Variants in PRKG1 observed in about 807,000 individuals in gnomAD.
PRKG1 encodes protein kinase cGMP-dependent 1, also known as cGMP-dependent protein kinase 1.
In PRKG1, 35 loss-of-function variants were observed where a neutral mutation model predicts 88.1. The ratio of observed to expected loss-of-function variants is 0.40; its 90% CI spans 0.30 to 0.53. PRKG1 has a LOEUF of 0.53. Ranked by LOEUF, PRKG1 falls within the 20% of genes least tolerant of loss-of-function variation. The pLI, the probability that PRKG1 is intolerant of heterozygous loss-of-function variation, is 0.59. For synonymous variants in PRKG1, 303 were observed against 292.5 expected (o/e 1.04, Z -0.37); for missense variants, 540 against 839.8 (o/e 0.64, Z 4.41).
intron 5 of PRKG1, among the ~76,000 whole-genome samples, chr10:51,939,155 G>T (rs1016918147): frequency 4.6e-5 from 7 of 151,796 alleles, no homozygotes; most frequent in Admixed American, 3.3e-4. Flanking sequence ...TCTTAGTGTT[G>T]CTCCATTGTC....
At chr10:51,619,539 G>A (rs1052010856) in intron 3 of PRKG1, among the ~76,000 whole-genome samples, 4 of 152,186 alleles carry the variant, frequency 2.6e-5, no homozygotes, top group African/African-American at 9.7e-5. Flanking sequence ...AACCCTCTCA[G>A]TTTGATAGCT....
chr10:51,441,933 G>A (rs899453021), intron 2 of PRKG1, among the ~76,000 whole-genome samples: 4 of 151,162 alleles, frequency 2.6e-5, no homozygotes, highest in Admixed American at 6.6e-5. Flanking sequence ...TTCACATTTC[G>A]GCATCTGTCC....
At chr10:52,059,520 GA>G (rs1404512368) in intron 6 of PRKG1, among the ~76,000 whole-genome samples, 1 of 151,290 alleles carries the variant, frequency 6.6e-6, no homozygotes, top group Non-Finnish European at 1.5e-5. Flanking sequence ...TGCTGAGTAA[GA>G]AAAAAAGGTC....
intron 4 of PRKG1, among the ~76,000 whole-genome samples, chr10:51,809,521 A>C (rs539089259): frequency 6.6e-6 from 1 of 152,332 alleles, no homozygotes; most frequent in African/African-American, 2.4e-5. Context: ...ATCTATACCC[A>C]GAGGAGCATT....
intron 4 of PRKG1, among the ~76,000 whole-genome samples, chr10:51,870,714 A>G (rs1841134974): frequency 6.6e-6 from 1 of 152,120 alleles, no homozygotes; most frequent in African/African-American, 2.4e-5. Flanking sequence ...ACTGCCTACA[A>G]ATAAAATACT....
At chr10:51,693,107 G>T (rs1182096553) in intron 3 of PRKG1, among the ~76,000 whole-genome samples, 1 of 151,642 alleles carries the variant, frequency 6.6e-6, no homozygotes, top group Admixed American at 6.6e-5. Flanking sequence ...GGCCAACATG[G>T]TGAAACCCCG....
intron 3 of PRKG1, among the ~76,000 whole-genome samples, chr10:51,720,789 T>G (rs1289819362): frequency 6.6e-6 from 1 of 152,134 alleles, no homozygotes; most frequent in Non-Finnish European, 1.5e-5. Flanking sequence ...ACTCTCTTGG[T>G]AGTGGGTTAT....
chr10:51,772,766 G>A (rs543489419), intron 3 of PRKG1, among the ~76,000 whole-genome samples: 1 of 152,092 alleles, frequency 6.6e-6, no homozygotes, highest in East Asian at 1.9e-4. Context: ...CTCGGGCTAG[G>A]GGGTATTGTC....
chr10:51,698,435 G>A, intron 3 of PRKG1: 2 of 1,614,154 alleles, frequency 1.2e-6, no homozygotes, highest in Non-Finnish European at 1.7e-6. Context: ...AGGGCCACGA[G>A]TGTCATGACC....
chr10:52,063,429 C>CT (rs1846284362), intron 7 of PRKG1, among the ~76,000 whole-genome samples: 1 of 152,260 alleles, frequency 6.6e-6, no homozygotes, highest in African/African-American at 2.4e-5. Flanking sequence ...AGTCACAGCC[C>CT]TGGCTCGGGG....
intron 3 of PRKG1, among the ~76,000 whole-genome samples, chr10:51,527,933 G>A (rs1841922915): frequency 1.3e-5 from 2 of 152,238 alleles, no homozygotes; most frequent in Non-Finnish European, 2.9e-5. Context: ...TCCTTCTCGG[G>A]TTGTGACTTG....
chr10:51,152,976 C>CTTTTTTTTTTT lies in PRKG1; in HGVS notation c.312-181_312-171dup. 1.8e-5 allele frequency among the ~76,000 whole-genome samples: 2 copies of CTTTTTTTTTTT among 112,662 alleles called. 1 individual carries two copies. The allele number at this position is 112,662 out of a possible 152,430, so 73.9% of individuals were successfully genotyped here. ...AATACTTAAAAAAAATTCTTAGTGC[C>CTTTTTTTTTTT]TTTTTTTTTTTTTTTTTGTTTTGCT... On this transcript the variant is annotated intron_variant, in intron 1 of 17. Coordinates refer to ENST00000373980, the MANE Select transcript of PRKG1 (RefSeq NM_006258.4).
intron 3 of PRKG1, among the ~76,000 whole-genome samples, chr10:51,769,132 A>G (rs1358053462): frequency 6.6e-6 from 1 of 152,202 alleles, no homozygotes; most frequent in African/African-American, 2.4e-5. Flanking sequence ...ACAAAAACCT[A>G]TGCAAGGGTA....
At chr10:51,599,746 A>G (rs888746816) in intron 3 of PRKG1, among the ~76,000 whole-genome samples, 2 of 152,150 alleles carry the variant, frequency 1.3e-5, no homozygotes, top group Non-Finnish European at 2.9e-5. Flanking sequence ...TTTAATGCAA[A>G]CTTGTTTCTG....
chr10:51,697,856 C>T, intron 3 of PRKG1: 3 of 1,613,972 alleles, frequency 1.9e-6, no homozygotes, highest in Non-Finnish European at 2.5e-6. Context: ...CTGGCTCTGC[C>T]CAGGACTAAA....
chr10:51,579,565 CA>C (rs1837977478), intron 3 of PRKG1, among the ~76,000 whole-genome samples: 1 of 151,896 alleles, frequency 6.6e-6, no homozygotes, highest in Admixed American at 6.6e-5. Flanking sequence ...TTAATTATAC[CA>C]TATTTACCAA....
chr10:51,163,538 C>T lies in PRKG1; in HGVS notation c.478+10208C>T, dbSNP rs551899539. Among the ~76,000 whole-genome samples, 15 of 152,222 alleles carry T rather than the reference C, an allele frequency of 9.9e-5. No homozygotes were observed. In the South Asian group the frequency reaches 2.1e-3, roughly 21 times the overall value. ...ACTAGGGAGTGCCAGACAATGGGCGCAAGACAGTGGGTGCCGCGCACCCGC... is the reference window on the plus strand; with the variant it reads ...ACTAGGGAGTGCCAGACAATGGGCGTAAGACAGTGGGTGCCGCGCACCCGC... On this transcript the variant is annotated intron_variant, in intron 2 of 17. Coordinates refer to ENST00000373980, the MANE Select transcript of PRKG1 (RefSeq NM_006258.4).
At chr10:51,066,698 T>C (rs1041645222) in intron 1 of PRKG1, among the ~76,000 whole-genome samples, 1 of 152,170 alleles carries the variant, frequency 6.6e-6, no homozygotes, top group African/African-American at 2.4e-5. Flanking sequence ...ATATTTTATG[T>C]ATTTACTGTA....
At chr10:51,070,874 G>A (rs143080614), upstream of PRKG1, among the ~76,000 whole-genome samples, 648 of 152,322 alleles carry the variant, frequency 4.3e-3, 2 homozygotes, top group African/African-American at 0.014. Context: ...AAAACAGGTT[G>A]TGAGTTGTTT....
Sources: allele counts gnomAD v4.1 joint callset (sites outside exome capture counted in the v4.1 genomes callset), GRCh38; gene constraint gnomAD v4.1.1; transcripts MANE v1.5; gene names NCBI Gene and HGNC (gene_info 2026-07-23, HGNC 2026-07-21).